Variants in CC2D2A observed in about 807,000 individuals in gnomAD.
The protein encoded by CC2D2A is coiled-coil and C2 domain-containing protein 2A.
Under a neutral mutation model 212.9 loss-of-function variants are expected in CC2D2A, and 155 were observed. The ratio of observed to expected loss-of-function variants is 0.73; its 90% CI spans 0.64 to 0.83. The LOEUF is 0.83. Ranked by LOEUF, CC2D2A falls within the 40% of genes least tolerant of loss-of-function variation. The probability of loss-of-function intolerance (pLI) is 0.00; values close to 1 mark genes in which losing one functional copy is unlikely to be tolerated. For missense variants in CC2D2A, 1,856 were observed against 1,956.2 expected (o/e 0.95, Z 0.97); for synonymous variants, 667 against 686.5 (o/e 0.97, Z 0.44).
At position 15,563,541 on chromosome 4, in the gene CC2D2A, GC is replaced by G. The variant is rs1719720413; in HGVS notation, c.3182+22del. Reference sequence around the variant, plus strand: ...CAGTGAGGTGAGAGCCCTCCCAACAGCCCGAGATGCAGTGTGCAGCATCCCA... The same window carrying G: ...CAGTGAGGTGAGAGCCCTCCCAACAGCCGAGATGCAGTGTGCAGCATCCCA... On this transcript the variant is annotated intron_variant, in intron 24 of 36. Transcript: ENST00000424120. 6.2e-7 allele frequency: 1 copy of G among 1,608,080 alleles called. No individual in the cohort carries two copies. Among genetic ancestry groups the G allele is most frequent in the Admixed American group, 1.7e-5 (1 of 59,362 alleles).
In CC2D2A at chr4:15,479,334, T is replaced by G. The variant is rs1394812612; in HGVS notation, c.123+528T>G. 5.9e-6 allele frequency: 9 copies of G among 1,531,384 alleles called. No homozygotes were observed. The highest frequency in any genetic ancestry group is 1.4e-5 in the African/African-American group (1 of 72,862). 94.9% of individuals were successfully genotyped at this position (1,531,384 alleles called of 1,614,324 possible). Reference sequence around the variant, plus strand: ...GCAGGGTAAATCTTTTCAAGGTAAGTCCTTGGTAAGAAGTTGTCCTCTGAG... The same window carrying G: ...GCAGGGTAAATCTTTTCAAGGTAAGGCCTTGGTAAGAAGTTGTCCTCTGAG... On this transcript the variant is annotated intron_variant, in intron 3 of 36. Coordinates refer to ENST00000424120, the MANE Select transcript of CC2D2A (RefSeq NM_001378615.1).
At chr4:15,559,925 G>A (rs902407203) in intron 22 of CC2D2A, among the ~76,000 whole-genome samples, 3 of 151,944 alleles carry the variant, frequency 2.0e-5, no homozygotes, top group Non-Finnish European at 2.9e-5. Context: ...TCCACCTCCC[G>A]GGCTCAAGCC....
At position 15,591,915 on chromosome 4, in the gene CC2D2A, C is replaced by T. The variant is rs184061324; in HGVS notation, c.4314+2236C>T. On this transcript the variant is annotated intron_variant, in intron 33 of 36. Coordinates refer to ENST00000424120, the MANE Select transcript of CC2D2A (RefSeq NM_001378615.1). ...GGAAGAAAGAACATTCTTTTCTCCT[C>T]TTCTCTGAGATGGGTAATAGTAGCT... Among the ~76,000 whole-genome samples, 246 of 152,298 alleles carry T rather than the reference C, an allele frequency of 1.6e-3. 2 individuals carry two copies. The highest frequency in any genetic ancestry group is 5.2e-3 in the African/African-American group (216 of 41,556).
chr4:15,519,997 A>G (rs1717113740), intron 11 of CC2D2A, among the ~76,000 whole-genome samples: 1 of 152,124 alleles, frequency 6.6e-6, no homozygotes, highest in African/African-American at 2.4e-5. Context: ...AACAATCATC[A>G]TTTTTGTCTA....
Position 15,579,949 on chromosome 4 carries a change from G to A in CC2D2A, c.3772-19G>A. On this transcript the variant is annotated intron_variant, in intron 29 of 36. Coordinates refer to ENST00000424120, the MANE Select transcript of CC2D2A (RefSeq NM_001378615.1). ...TCTTGTAATCATACATAAACTCCAT[G>A]AAGTCTTTCTTTTTGAAGTTTGAGT... 1 of 1,591,058 alleles carries A rather than the reference G, an allele frequency of 6.3e-7. No individual in the cohort carries two copies. The highest frequency in any genetic ancestry group is 1.1e-5 in the South Asian group (1 of 90,488).
intron 3 of CC2D2A, chr4:15,479,328 G>T (rs762242564): frequency 3.1e-5 from 48 of 1,535,638 alleles, no homozygotes; most frequent in Non-Finnish European, 3.9e-5. Context: ...ATCTTTTCAA[G>T]GTAAGTCCTT....
chr4:15,562,210 G>C lies in CC2D2A; in HGVS notation c.3015-1145G>C, dbSNP rs539590721. On this transcript the variant is annotated intron_variant, in intron 23 of 36. Transcript: ENST00000424120. ...CAGCCTCAGCTGGCATGTGCCTCTT[G>C]CAAAGAGGGGCTCCAGTCAAGAGGT... Among the ~76,000 whole-genome samples the C allele has an allele frequency of 5.3e-5, 8 of 152,314 alleles. No homozygotes were observed. In the South Asian group the frequency reaches 1.7e-3, roughly 32 times the overall value.
At chr4:15,586,012 G>A (rs1720842287) in intron 30 of CC2D2A, 145 bp from the exon 31 acceptor site, 1 of 521,130 alleles carries the variant, frequency 1.9e-6, no homozygotes, top group Non-Finnish European at 3.4e-6. Flanking sequence ...TGAGGATGGA[G>A]ATATTAATAC....
chr4:15,478,611 C>G, intron 2 of CC2D2A, 112 bp from the exon 3 acceptor site: 1 of 716,872 alleles, frequency 1.4e-6, no homozygotes, highest in Non-Finnish European at 2.3e-6. Context: ...AACTCACACT[C>G]AGCATTACTG....
At chr4:15,504,061 T>A (rs899831973) in intron 6 of CC2D2A, among the ~76,000 whole-genome samples, 3 of 152,210 alleles carry the variant, frequency 2.0e-5, no homozygotes, top group African/African-American at 7.2e-5. Context: ...TGGTTTGGGT[T>A]GTTTTTAACC....
intron 26 of CC2D2A, 111 bp downstream of exon 26, chr4:15,567,897 A>G (rs1719968164): frequency 5.5e-6 from 4 of 725,748 alleles, no homozygotes; most frequent in African/African-American, 1.9e-5. Flanking sequence ...GTGAGCGGCA[A>G]CAAGATCCAG....
In CC2D2A at chr4:15,596,105, A is replaced by G; in HGVS notation, c.4335A>G (p.Arg1445=). The G allele has an allele frequency of 1.9e-6, 3 of 1,548,124 alleles. No individual in the cohort carries two copies. Among genetic ancestry groups the G allele is most frequent in the Non-Finnish European group, 2.6e-6 (3 of 1,145,476 alleles). The change falls in exon 34 of 37, where the codon CGA becomes CGG. Residue 1445 remains arginine (R), a synonymous_variant. Transcript: ENST00000424120. ...CTTAGATTTGGTTTAATATTCAACG[A>G]TATGAATCTCCACTAAGGATAAATT... is the stretch of plus-strand genomic sequence containing the variant. ...GPDNIWFNIQ[R]YESPLRINFD...
intron 17 of CC2D2A, among the ~76,000 whole-genome samples, chr4:15,550,547 A>G (rs1049040424): frequency 2.0e-5 from 3 of 152,310 alleles, no homozygotes; most frequent in East Asian, 3.9e-4. Context: ...TTGGTTTGGA[A>G]TAAAAACAAT....
chr4:15,516,572 A>G, intron 10 of CC2D2A, 53 bp from the exon 11 acceptor site: 1 of 1,570,254 alleles, frequency 6.4e-7, no homozygotes, highest in East Asian at 2.3e-5. Flanking sequence ...GTTGTGAACC[A>G]TTTTCTGTTC....
At chr4:15,600,900 T>C (rs550366205) in intron 36 of CC2D2A, among the ~76,000 whole-genome samples, 124 of 41,854 alleles carry the variant, frequency 3.0e-3, no homozygotes, top group African/African-American at 7.1e-3. Flanking sequence ...GTCAGACCTG[T>C]CTCAAAAAAA....
intron 23 of CC2D2A, among the ~76,000 whole-genome samples, chr4:15,562,150 T>C (rs947554514): frequency 1.5e-4 from 23 of 152,340 alleles, no homozygotes; most frequent in African/African-American, 5.1e-4. Flanking sequence ...TTATAGGAGC[T>C]GTCAGCAGCG....
At position 15,597,351 on chromosome 4, in the gene CC2D2A, G is replaced by A. The variant is rs1577404471; in HGVS notation, c.4438-56G>A. 2.4e-6 allele frequency: 3 copies of A among 1,237,264 alleles called. No individual in the cohort carries two copies. In the East Asian group the frequency reaches 7.6e-5, roughly 31 times the overall value. 76.6% of individuals were successfully genotyped at this position (1,237,264 alleles called of 1,614,324 possible). On this transcript the variant is annotated intron_variant, in intron 34 of 36. Coordinates refer to ENST00000424120, the MANE Select transcript of CC2D2A (RefSeq NM_001378615.1). ...TGATTTTTAAGATTTTTAAAAGGAT[G>A]TTCAAATTAACTGTAGGTGATTTTT... is the stretch of plus-strand genomic sequence containing the variant.
At chr4:15,513,959 A>G (rs1716718530) in intron 8 of CC2D2A, among the ~76,000 whole-genome samples, 1 of 152,236 alleles carries the variant, frequency 6.6e-6, no homozygotes, top group African/African-American at 2.4e-5. Context: ...GGATTTTAAA[A>G]GATGTTGCTC....
chr4:15,589,709 G>C, intron 33 of CC2D2A, 30 bp downstream of exon 33: 1 of 1,404,704 alleles, frequency 7.1e-7, no homozygotes. Context: ...CTTAAATATG[G>C]TTAGCTGTCG....
Sources: gnomAD v4.1 joint callset for allele counts (sites outside exome capture counted in the v4.1 genomes callset) on GRCh38, gnomAD v4.1.1 for gene constraint, MANE v1.5 for transcripts, NCBI Gene and HGNC (gene_info 2026-07-23, HGNC 2026-07-21) for gene names.